Variants in KIF11 observed in about 807,000 individuals in gnomAD.
The protein encoded by KIF11 is kinesin-like protein KIF11.
In KIF11, 9 loss-of-function variants were observed where a neutral mutation model predicts 121.0. The ratio of observed to expected loss-of-function variants is 0.07; its 90% CI spans 0.04 to 0.13. The LOEUF is 0.13. KIF11 is among the 10% of genes least tolerant of loss of function. KIF11 has a pLI of 1.00. For synonymous variants in KIF11, 408 were observed against 421.0 expected, an observed-to-expected ratio of 0.97 and a Z score of 0.38; for missense variants, 846 against 1,217.5, an observed-to-expected ratio of 0.69 and a Z score of 4.54.
At chr10:92,651,502 ATTTTGTTTTTTTTTTTTTT>A (rs1844979788) in intron 21 of KIF11, among the ~76,000 whole-genome samples, 1 of 21,554 alleles carries the variant, frequency 4.6e-5, no homozygotes, top group Non-Finnish European at 8.1e-5. Flanking sequence ...TGCCTGGCTA[ATTTTGTTTTTTTTTTTTTT>A]TTTTTTTTTT....
At chr10:92,616,260 A>G (rs1188843508) in intron 8 of KIF11, among the ~76,000 whole-genome samples, 2 of 150,154 alleles carry the variant, frequency 1.3e-5, no homozygotes, top group South Asian at 4.2e-4. Flanking sequence ...GCTGGAGTGC[A>G]GTGGCACATT....
chr10:92,637,050 AAAAG>A, intron 14 of KIF11, 130 bp from the exon 15 acceptor site: 2 of 745,920 alleles, frequency 2.7e-6, no homozygotes, highest in South Asian at 2.1e-5. Flanking sequence ...AAAAAAAAAA[AAAAG>A]AATGGAGAAT....
intron 13 of KIF11, among the ~76,000 whole-genome samples, chr10:92,633,396 TA>T (rs1456221351): frequency 1.3e-5 from 2 of 152,114 alleles, no homozygotes; most frequent in African/African-American, 4.8e-5. Context: ...GAATTATAGT[TA>T]TGGGTCTGAT....
chr10:92,648,273 AGGC>A lies in KIF11; in HGVS notation c.2610_2612del (p.Ala872del). Reference sequence around the variant, plus strand: ...ATCACTGAGAAATCAGATGGACGTAAGGCAGCTCATGAGAAACAGCATAACATT... The same window carrying A: ...ATCACTGAGAAATCAGATGGACGTAAAGCTCATGAGAAACAGCATAACATT... On this transcript the variant is annotated inframe_deletion, in exon 19 of 22. Coordinates refer to ENST00000260731, the MANE Select transcript of KIF11 (RefSeq NM_004523.4). The A allele has an allele frequency of 6.2e-7, 1 of 1,613,920 alleles. No homozygotes were observed. The highest frequency in any genetic ancestry group is 8.5e-7 in the Non-Finnish European group (1 of 1,179,832).
chr10:92,630,072 C>T (rs1424519344), intron 11 of KIF11, 104 bp from the exon 12 acceptor site: 4 of 621,964 alleles, frequency 6.4e-6, no homozygotes, highest in Non-Finnish European at 1.1e-5. Flanking sequence ...CGGGTAACTT[C>T]TTACAACTTT....
intron 8 of KIF11, among the ~76,000 whole-genome samples, chr10:92,614,800 T>C (rs1223189614): frequency 2.6e-5 from 4 of 152,170 alleles, no homozygotes; most frequent in Admixed American, 2.6e-4. Flanking sequence ...TTTTTACTTT[T>C]AGAGGTAGAG....
At position 92,650,534 on chromosome 10, in the gene KIF11, A is replaced by C; in HGVS notation, c.3039+17A>C. 7.7e-7 allele frequency: 1 copy of C among 1,303,528 alleles called. No individual in the cohort carries two copies. 80.7% of individuals were successfully genotyped at this position (1,303,528 alleles called of 1,614,324 possible). On this transcript the variant is annotated intron_variant, in intron 21 of 21. Transcript: ENST00000260731. ...TTTTTCCAGGTATGTCATATCAGAT[A>C]ACCCTTCCACATCTGATGTAAGTCA...
Position 92,613,282 on chromosome 10 carries a change from C to T in KIF11, c.790-95C>T. On this transcript the variant is annotated intron_variant, in intron 7 of 21. Transcript: ENST00000260731. The surrounding 1 kb of genome is among the most constrained non-coding windows in gnomAD (Gnocchi z 4.2). Reference sequence around the variant, plus strand: ...GTTAATTACAGAAAAAATTATTTTGCTGGCGATTTAATACATTATGTATCC... The same window carrying T: ...GTTAATTACAGAAAAAATTATTTTGTTGGCGATTTAATACATTATGTATCC... The T allele has an allele frequency of 3.6e-6, 4 of 1,099,174 alleles. No individual in the cohort carries two copies. Among genetic ancestry groups the T allele is most frequent in the Non-Finnish European group, 5.2e-6 (4 of 776,328 alleles). The allele number at this position is 1,099,174 out of a possible 1,614,324, so 68.1% of individuals were successfully genotyped here.
In KIF11 at chr10:92,613,467, A is replaced by G; in HGVS notation, c.880A>G (p.Thr294Ala). 3.7e-6 allele frequency: 6 copies of G among 1,613,044 alleles called. No homozygotes were observed. The highest frequency in any genetic ancestry group is 5.1e-6 in the Non-Finnish European group (6 of 1,179,066). Residue 294 changes from threonine to alanine, a missense_variant, in exon 8 of 22, where the codon ACT becomes GCT. By Grantham distance (58) the Thr-to-Ala change is moderately conservative (BLOSUM62 0). Transcript: ENST00000260731. This position sits in a 1 kb window ranked among gnomAD's most constrained non-coding sequence, Gnocchi z 4.2. The stretch of plus-strand genomic sequence containing the variant: ...TGGAAATATAAATCAATCCCTGTTG[A>G]CTTTGGGAAGGGTCATTACTGCCCT... ...EAGNINQSLL[T>A]LGRVITALVE...
chr10:92,595,962 G>A (rs1200488209), intron 1 of KIF11, among the ~76,000 whole-genome samples: 1 of 152,058 alleles, frequency 6.6e-6, no homozygotes, highest in Non-Finnish European at 1.5e-5. Context: ...CATTTTGCTT[G>A]TCCCTTCATA....
At chr10:92,599,137 A>G (rs1025652856) in intron 1 of KIF11, among the ~76,000 whole-genome samples, 3 of 151,762 alleles carry the variant, frequency 2.0e-5, no homozygotes, top group African/African-American at 7.3e-5. Context: ...TAAATTAATT[A>G]CTAATATTTT....
chr10:92,645,781 G>A, intron 18 of KIF11, 139 bp downstream of exon 18: 1 of 625,096 alleles, frequency 1.6e-6, no homozygotes, highest in Non-Finnish European at 2.7e-6. Flanking sequence ...TATTTGGTAT[G>A]CTTACAGATG....
chr10:92,608,647 C>T lies in KIF11; in HGVS notation c.388-373C>T, dbSNP rs574675606. Among the ~76,000 whole-genome samples, 12 of 152,220 alleles carry T rather than the reference C, an allele frequency of 7.9e-5. No individual in the cohort carries two copies. The South Asian group carries it at 1.2e-3, about 16-fold the overall frequency. On this transcript the variant is annotated intron_variant, in intron 4 of 21. Transcript: ENST00000260731. ...AGAGATGGGGTTTCACCGTGTTGGC[C>T]GGGATGGTCTTGATCTCCTGACCTT...
chr10:92,623,661 A>C (rs1030425082), intron 10 of KIF11, among the ~76,000 whole-genome samples: 3 of 152,310 alleles, frequency 2.0e-5, no homozygotes, highest in Admixed American at 1.3e-4. Context: ...AGAACAATGT[A>C]AGATTGTGGG....
At chr10:92,640,737 G>A (rs1844856092) in intron 17 of KIF11, among the ~76,000 whole-genome samples, 1 of 151,822 alleles carries the variant, frequency 6.6e-6, no homozygotes, top group Non-Finnish European at 1.5e-5. Context: ...GCTCTGTTTT[G>A]TTTTTTCAGA....
At chr10:92,618,472 C>G (rs1367186859) in intron 9 of KIF11, among the ~76,000 whole-genome samples, 1 of 151,352 alleles carries the variant, frequency 6.6e-6, no homozygotes, top group African/African-American at 2.4e-5. Flanking sequence ...TAGTGAAACC[C>G]TCATCTCTAC....
intron 19 of KIF11, among the ~76,000 whole-genome samples, chr10:92,648,665 C>T (rs924463402): frequency 8.5e-5 from 13 of 152,162 alleles, no homozygotes; most frequent in Non-Finnish European, 1.9e-4. Flanking sequence ...AGGGAGTTGA[C>T]TTTGTTAATA....
intron 9 of KIF11, among the ~76,000 whole-genome samples, chr10:92,618,022 G>T (rs1844577382): frequency 6.6e-6 from 1 of 152,152 alleles, no homozygotes; most frequent in African/African-American, 2.4e-5. Flanking sequence ...ACAGGCGTGA[G>T]CCAATACGCC....
intron 6 of KIF11, among the ~76,000 whole-genome samples, chr10:92,609,792 A>G (rs901936394): frequency 2.8e-4 from 43 of 152,222 alleles, no homozygotes; most frequent in Middle Eastern, 3.4e-3. Flanking sequence ...GCTGGAGTGC[A>G]GTGGCGCGAT....
Sources: allele counts gnomAD v4.1 joint callset (sites outside exome capture counted in the v4.1 genomes callset), GRCh38; gene constraint gnomAD v4.1.1; non-coding constraint Gnocchi (gnomAD v3.1); transcripts MANE v1.5; gene names NCBI Gene and HGNC (gene_info 2026-07-23, HGNC 2026-07-21).